CARMIL1: variants seen among roughly 807,000 people sequenced by gnomAD.
CARMIL1 encodes F-actin-uncapping protein LRRC16A.
A neutral mutation model predicts 177.1 loss-of-function variants in CARMIL1; 90 were observed. That is an observed-to-expected ratio of 0.51 (90% CI 0.43 to 0.61). The LOEUF is 0.61. CARMIL1 is among the 20% of genes least tolerant of loss of function. CARMIL1 has a pLI of 0.00. For missense variants in CARMIL1, 1,380 were observed against 1,667.0 expected (o/e 0.83, Z 3.00); for synonymous variants, 577 against 606.2 (o/e 0.95, Z 0.71).
At chr6:25,346,270 C>T (rs77320196) in intron 2 of CARMIL1, among the ~76,000 whole-genome samples, 3,917 of 152,264 alleles carry the variant, frequency 0.026, 79 homozygotes, top group Non-Finnish European at 0.038. Context: ...TTCCTTGTTT[C>T]CCCCTCTGGT....
chr6:25,557,121 G>A (rs1277316621), intron 29 of CARMIL1, among the ~76,000 whole-genome samples: 1 of 151,952 alleles, frequency 6.6e-6, no homozygotes, highest in Non-Finnish European at 1.5e-5. Context: ...TTTGTGACAG[G>A]AAAATATCTT....
At chr6:25,602,748 G>A (rs1815558119) in intron 33 of CARMIL1, among the ~76,000 whole-genome samples, 2 of 152,040 alleles carry the variant, frequency 1.3e-5, no homozygotes, top group East Asian at 1.9e-4. Context: ...AGCAACAATA[G>A]CATCAATGAT....
At chr6:25,418,143 G>C (rs1180577211) in intron 2 of CARMIL1, among the ~76,000 whole-genome samples, 1 of 152,124 alleles carries the variant, frequency 6.6e-6, no homozygotes, top group Non-Finnish European at 1.5e-5. Context: ...AAGTCTTTCT[G>C]ATTCCAAAAT....
intron 2 of CARMIL1, among the ~76,000 whole-genome samples, chr6:25,306,501 C>A (rs1366466518): frequency 6.6e-6 from 1 of 152,146 alleles, no homozygotes; most frequent in East Asian, 1.9e-4. Context: ...CTCTCCTCCC[C>A]CCCACTTTTA....
chr6:25,576,372 T>G (rs1812587714), intron 29 of CARMIL1, among the ~76,000 whole-genome samples: 1 of 152,202 alleles, frequency 6.6e-6, no homozygotes, highest in Non-Finnish European at 1.5e-5. Flanking sequence ...GGTAGGTAAC[T>G]TGTGCTGAAT....
rs376308215 is a variant in CARMIL1 at position 25,426,503 on chromosome 6, C to T, written c.192C>T (p.Leu64=). 7 of 1,610,252 alleles carry T rather than the reference C, an allele frequency of 4.3e-6. No homozygotes were observed. The highest frequency in any genetic ancestry group is 1.7e-5 in the Admixed American group (1 of 59,762). ...FLVTARIPTK[L]ELTFSYLEIH... is the part of the protein sequence containing the mutation. ...TCCTCCTTTCCCCTCAATTGCAGCTCGAGTTAACCTTCAGCTACTTGGAGA... is the reference window on the plus strand; with the variant it reads ...TCCTCCTTTCCCCTCAATTGCAGCTTGAGTTAACCTTCAGCTACTTGGAGA... Residue 64 remains leucine (L), a splice_region_variant and synonymous_variant, in exon 4 of 37, where the codon CTC becomes CTT. Coordinates refer to ENST00000329474, the MANE Select transcript of CARMIL1 (RefSeq NM_017640.6).
chr6:25,295,495 G>A (rs1251173963), intron 2 of CARMIL1, among the ~76,000 whole-genome samples: 1 of 151,968 alleles, frequency 6.6e-6, no homozygotes, highest in Non-Finnish European at 1.5e-5. Flanking sequence ...TGCCTAATAG[G>A]CATTTTGAAG....
chr6:25,586,635 A>G lies in CARMIL1; in HGVS notation c.3006+5196A>G, dbSNP rs1313366485. On this transcript the variant is annotated intron_variant, in intron 31 of 36. Coordinates refer to ENST00000329474, the MANE Select transcript of CARMIL1 (RefSeq NM_017640.6). Reference sequence around the variant, plus strand: ...GAGGTGGAGGTTGTAGCGAGCCGAGATCACGCCACTGCACTCCAGCCTGGG... The same window carrying G: ...GAGGTGGAGGTTGTAGCGAGCCGAGGTCACGCCACTGCACTCCAGCCTGGG... Among the ~76,000 whole-genome samples the G allele has an allele frequency of 2.6e-5, 4 of 152,000 alleles. No individual in the cohort carries two copies. The East Asian group carries it at 7.8e-4, about 30-fold the overall frequency.
At chr6:25,286,431 A>G (rs1781530333) in intron 2 of CARMIL1, among the ~76,000 whole-genome samples, 2 of 152,368 alleles carry the variant, frequency 1.3e-5, no homozygotes, top group East Asian at 1.9e-4. Context: ...AAATGTGCTT[A>G]TGTAAACTGC....
intron 2 of CARMIL1, among the ~76,000 whole-genome samples, chr6:25,321,293 A>G (rs1253674659): frequency 6.6e-6 from 1 of 152,206 alleles, no homozygotes; most frequent in Non-Finnish European, 1.5e-5. Context: ...AAACAAGAAT[A>G]GAGTCTTTGC....
intron 26 of CARMIL1, among the ~76,000 whole-genome samples, chr6:25,543,096 A>G (rs1036828965): frequency 6.6e-6 from 1 of 152,190 alleles, no homozygotes; most frequent in African/African-American, 2.4e-5. Context: ...AAAGGAACCT[A>G]GCAGGCCTAG....
chr6:25,496,401 C>A (rs1803707820), intron 16 of CARMIL1, among the ~76,000 whole-genome samples: 1 of 150,224 alleles, frequency 6.7e-6, no homozygotes, highest in Admixed American at 6.7e-5. Flanking sequence ...TCGCTTGAAC[C>A]CGGGAGGCGG....
intron 22 of CARMIL1, among the ~76,000 whole-genome samples, chr6:25,517,705 GTTTCC>G (rs1159702552): frequency 6.6e-6 from 1 of 152,102 alleles, no homozygotes; most frequent in East Asian, 1.9e-4. Context: ...GACTTGCCTT[GTTTCC>G]TTTCCCCTTT....
chr6:25,291,793 G>T (rs983350466), intron 2 of CARMIL1, among the ~76,000 whole-genome samples: 1 of 152,152 alleles, frequency 6.6e-6, no homozygotes, highest in African/African-American at 2.4e-5. Flanking sequence ...TAGTAGGGGA[G>T]ATTTGGTTTT....
chr6:25,592,053 T>G (rs1814363739), intron 31 of CARMIL1, among the ~76,000 whole-genome samples: 1 of 152,120 alleles, frequency 6.6e-6, no homozygotes, highest in Non-Finnish European at 1.5e-5. Flanking sequence ...TTTTTTTGTT[T>G]GTTTGTTTGT....
intron 16 of CARMIL1, among the ~76,000 whole-genome samples, chr6:25,499,236 C>T (rs533513269): frequency 2.6e-5 from 4 of 152,276 alleles, no homozygotes; most frequent in East Asian, 1.9e-4. Flanking sequence ...AACAGGTAAT[C>T]GCCCCCAGTT....
chr6:25,610,665 T>C (rs1470091762), intron 36 of CARMIL1, among the ~76,000 whole-genome samples: 1 of 152,186 alleles, frequency 6.6e-6, no homozygotes, highest in Non-Finnish European at 1.5e-5. Context: ...TTCCTTACTC[T>C]CAGAAGTGTG....
At chr6:25,514,747 C>A (rs548391457) in intron 20 of CARMIL1, among the ~76,000 whole-genome samples, 11 of 151,876 alleles carry the variant, frequency 7.2e-5, no homozygotes, top group Non-Finnish European at 1.3e-4. Context: ...CATAGTGAGA[C>A]CCTGTCTCTA....
chr6:25,414,072 T>A (rs1453888196), intron 2 of CARMIL1, among the ~76,000 whole-genome samples: 1 of 152,194 alleles, frequency 6.6e-6, no homozygotes, highest in African/African-American at 2.4e-5. Flanking sequence ...GGGGTAGGGC[T>A]TTATCTGCAT....
Sources: gnomAD v4.1 joint callset for allele counts (sites outside exome capture counted in the v4.1 genomes callset) on GRCh38, gnomAD v4.1.1 for gene constraint, MANE v1.5 for transcripts, NCBI Gene and HGNC (gene_info 2026-07-23, HGNC 2026-07-21) for gene names.